NBAS: variants seen among roughly 807,000 people sequenced by gnomAD.
NBAS encodes NAG/BC035112 fusion.
In NBAS, 219 loss-of-function variants were observed where a neutral mutation model predicts 302.5. The observed-to-expected ratio is 0.72, with a 90% CI of 0.65 to 0.81. The LOEUF (loss-of-function observed/expected upper bound fraction) is 0.81, where lower values mean the gene tolerates loss of function less well. Among genes scored for constraint, NBAS ranks in the 30% least tolerant of loss-of-function variants. The pLI is 0.00. For missense variants in NBAS, 2,932 were observed against 2,841.6 expected, an observed-to-expected ratio of 1.03 and a Z score of -0.72; for synonymous variants, 1,118 against 1,021.6, an observed-to-expected ratio of 1.09 and a Z score of -1.80.
intron 6 of NBAS, among the ~76,000 whole-genome samples, chr2:15,546,517 T>A (rs1664123164): frequency 6.6e-6 from 1 of 152,108 alleles, no homozygotes; most frequent in Admixed American, 6.5e-5. Flanking sequence ...TCATTTGATG[T>A]CAGGATTTCG....
At chr2:15,054,435 A>G in the NBAS span, among the ~76,000 whole-genome samples, 49,196 of 152,092 alleles carry the variant, frequency 0.32, 8,404 homozygotes, top group African/African-American at 0.43. Flanking sequence ...CCCACTTTAC[A>G]TAGCTTTCAT....
At chr2:15,480,403 C>G (rs1216908456) in intron 12 of NBAS, among the ~76,000 whole-genome samples, 2 of 150,468 alleles carry the variant, frequency 1.3e-5, no homozygotes, top group Non-Finnish European at 3.0e-5. Context: ...ATATTGCAGT[C>G]CCAAAACTCA....
the NBAS span, among the ~76,000 whole-genome samples, chr2:15,117,159 G>A: frequency 2.6e-5 from 4 of 152,202 alleles, no homozygotes; most frequent in South Asian, 2.1e-4. Context: ...GCTTATGCAC[G>A]GCCACCTGAA....
intron 32 of NBAS, among the ~76,000 whole-genome samples, chr2:15,364,085 G>A (rs1450435776): frequency 6.6e-6 from 1 of 152,206 alleles, no homozygotes; most frequent in Admixed American, 6.5e-5. Context: ...CCATGTGAAT[G>A]AGCCCTCTTA....
At chr2:15,274,103 T>G (rs73197006) in intron 44 of NBAS, among the ~76,000 whole-genome samples, 3 of 152,066 alleles carry the variant, frequency 2.0e-5, no homozygotes, top group South Asian at 4.1e-4. Flanking sequence ...CATCCTTATT[T>G]TTCTCTTTAA....
chr2:15,327,836 G>A lies in NBAS; in HGVS notation c.4496C>T (p.Pro1499Leu), dbSNP rs776771823. The change falls in exon 38 of 52, where the codon CCA becomes CTA. Residue 1499 changes from proline to leucine, a missense_variant. Physicochemically the swap from Pro to Leu is moderately conservative, Grantham distance 98. Transcript: ENST00000281513. The stretch of plus-strand genomic sequence containing the variant: ...CAATACTTCTGCAAAGCTTTCCACT[G>A]GAACATGCTGATAGGTGTCATAGGT... Reference protein sequence around the residue: ...EGTYDTYQHVPVESFAEVLLR... With the variant: ...EGTYDTYQHVLVESFAEVLLR... 6.2e-7 allele frequency: 1 copy of A among 1,613,464 alleles called. No homozygotes were observed. Among genetic ancestry groups the A allele is most frequent in the East Asian group, 2.2e-5 (1 of 44,834 alleles).
chr2:15,508,213 CTTATT>C (rs1035665414), intron 10 of NBAS, among the ~76,000 whole-genome samples: 5 of 152,220 alleles, frequency 3.3e-5, no homozygotes, highest in African/African-American at 1.2e-4. Flanking sequence ...ATTTTTCCCA[CTTATT>C]TTGTCAGCGC....
the NBAS span, among the ~76,000 whole-genome samples, chr2:14,906,241 A>G: frequency 6.6e-6 from 1 of 152,180 alleles, no homozygotes; most frequent in African/African-American, 2.4e-5. Context: ...ACTGTGCACA[A>G]TTTGTGTCTA....
intron 46 of NBAS, among the ~76,000 whole-genome samples, chr2:15,234,037 A>C (rs1180304886): frequency 6.6e-6 from 1 of 152,190 alleles, no homozygotes; most frequent in Admixed American, 6.6e-5. Flanking sequence ...CAAAGCAAGA[A>C]TTTCTCAATT....
chr2:14,798,420 G>GA, the NBAS span, among the ~76,000 whole-genome samples: 3 of 152,094 alleles, frequency 2.0e-5, no homozygotes, highest in South Asian at 4.1e-4. Context: ...TGCATTCGTA[G>GA]AAAAAACTCC....
intron 44 of NBAS, among the ~76,000 whole-genome samples, chr2:15,267,399 A>G (rs956316506): frequency 6.6e-6 from 1 of 152,256 alleles, no homozygotes; most frequent in Non-Finnish European, 1.5e-5. Flanking sequence ...TTGATCAAAA[A>G]AAAAGTTTGA....
At chr2:14,864,332 A>G in the NBAS span, among the ~76,000 whole-genome samples, 20 of 151,836 alleles carry the variant, frequency 1.3e-4, no homozygotes, top group African/African-American at 4.8e-4. Flanking sequence ...AAAAAAAAAA[A>G]AAAAAAGAAA....
chr2:15,471,112 G>C (rs1287840699), intron 16 of NBAS, among the ~76,000 whole-genome samples: 3 of 152,068 alleles, frequency 2.0e-5, no homozygotes, highest in Non-Finnish European at 4.4e-5. Context: ...AAAAGTACTT[G>C]CTTTGTCTCT....
chr2:15,495,202 A>C (rs1558388802), intron 11 of NBAS, among the ~76,000 whole-genome samples: 1 of 152,122 alleles, frequency 6.6e-6, no homozygotes, highest in Non-Finnish European at 1.5e-5. Flanking sequence ...AGCTCTCAAA[A>C]CTAACCGGCC....
the NBAS span, among the ~76,000 whole-genome samples, chr2:14,995,053 G>A: frequency 6.6e-6 from 1 of 151,866 alleles, no homozygotes; most frequent in Non-Finnish European, 1.5e-5. Context: ...AGGAAAATCT[G>A]CATTTTATTT....
chr2:14,930,292 T>C, the NBAS span, among the ~76,000 whole-genome samples: 2 of 151,694 alleles, frequency 1.3e-5, no homozygotes, highest in African/African-American at 2.4e-5. Flanking sequence ...AGAGAAAAAA[T>C]GAAAAATGGA....
the NBAS span, among the ~76,000 whole-genome samples, chr2:14,818,165 T>C: frequency 6.6e-6 from 1 of 152,194 alleles, no homozygotes; most frequent in Non-Finnish European, 1.5e-5. Flanking sequence ...ACCAGCACCA[T>C]GGAACCATGG....
chr2:15,278,896 A>G (rs1669706971), intron 42 of NBAS, among the ~76,000 whole-genome samples: 1 of 152,314 alleles, frequency 6.6e-6, no homozygotes, highest in East Asian at 1.9e-4. Flanking sequence ...AAATAATGTG[A>G]ACAAAAGTAT....
chr2:14,987,874 GT>G, the NBAS span, among the ~76,000 whole-genome samples: 1 of 152,020 alleles, frequency 6.6e-6, no homozygotes, highest in Non-Finnish European at 1.5e-5. Context: ...TTTTTTATGT[GT>G]TTTTTACATA....
Sources: allele counts gnomAD v4.1 joint callset (sites outside exome capture counted in the v4.1 genomes callset), GRCh38; gene constraint gnomAD v4.1.1; transcripts MANE v1.5; gene names NCBI Gene and HGNC (gene_info 2026-07-23, HGNC 2026-07-21).